The following MACROD2 variants were observed in gnomAD, a reference collection of about 807,000 sequenced individuals.
MACROD2 encodes mono-ADP ribosylhydrolase 2, also known as ADP-ribose glycohydrolase MACROD2.
MACROD2 carries 36 observed loss-of-function variants against 70.4 expected under a neutral mutation model. The ratio of observed to expected loss-of-function variants is 0.51; its 90% CI spans 0.39 to 0.68. The LOEUF is 0.68. Among genes scored for constraint, MACROD2 ranks in the 30% least tolerant of loss-of-function variants. MACROD2 has a pLI of 0.00. For missense variants in MACROD2, 496 were observed against 538.4 expected (o/e 0.92, Z 0.78); for synonymous variants, 172 against 178.8 (o/e 0.96, Z 0.30).
intron 5 of MACROD2, among the ~76,000 whole-genome samples, chr20:15,225,615 G>A (rs1334315171): frequency 6.6e-6 from 1 of 152,124 alleles, no homozygotes; most frequent in Non-Finnish European, 1.5e-5. Flanking sequence ...TAACACTAAT[G>A]TTAGTGTGCT....
intron 15 of MACROD2, among the ~76,000 whole-genome samples, chr20:15,999,120 A>G (rs1011985406): frequency 1.3e-5 from 2 of 152,054 alleles, no homozygotes; most frequent in South Asian, 2.1e-4. Context: ...TAATGTAGGC[A>G]TTCATAACTA....
chr20:14,120,602 G>A (rs1487832020), intron 3 of MACROD2, among the ~76,000 whole-genome samples: 5 of 151,344 alleles, frequency 3.3e-5, no homozygotes, highest in Admixed American at 2.6e-4. Context: ...ATTTACAATA[G>A]CAAAGACATG....
chr20:15,980,505 A>C (rs769471003), intron 13 of MACROD2, among the ~76,000 whole-genome samples: 1 of 152,174 alleles, frequency 6.6e-6, no homozygotes, highest in Non-Finnish European at 1.5e-5. Context: ...ATTTTTTATC[A>C]TTTAAAGAAG....
intron 5 of MACROD2, among the ~76,000 whole-genome samples, chr20:14,863,075 G>T (rs913881713): frequency 6.6e-6 from 1 of 151,890 alleles, no homozygotes; most frequent in African/African-American, 2.4e-5. Flanking sequence ...TTCTCCAAGG[G>T]TTGGCTTCAA....
chr20:15,625,245 A>G (rs1390418399), intron 8 of MACROD2, among the ~76,000 whole-genome samples: 1 of 152,126 alleles, frequency 6.6e-6, no homozygotes, highest in Non-Finnish European at 1.5e-5. Flanking sequence ...AGAGAAGACC[A>G]CAAGTGACTA....
intron 12 of MACROD2, among the ~76,000 whole-genome samples, chr20:15,945,666 A>G (rs989909804): frequency 6.6e-6 from 1 of 152,178 alleles, no homozygotes; most frequent in African/African-American, 2.4e-5. Context: ...TGACAGTTCA[A>G]TGGATGTAAA....
intron 5 of MACROD2, among the ~76,000 whole-genome samples, chr20:14,908,441 G>A (rs747832958): frequency 6.6e-6 from 1 of 152,144 alleles, no homozygotes; most frequent in Non-Finnish European, 1.5e-5. Flanking sequence ...GATCACCTGA[G>A]GCCAGGAGTT....
intron 3 of MACROD2, among the ~76,000 whole-genome samples, chr20:14,338,243 C>T (rs574191862): frequency 2.0e-5 from 3 of 152,146 alleles, no homozygotes; most frequent in South Asian, 2.1e-4. Context: ...GCTGGGCGCC[C>T]GTAATCCCAG....
At chr20:15,805,290 C>A (rs184131426) in intron 8 of MACROD2, among the ~76,000 whole-genome samples, 1 of 151,898 alleles carries the variant, frequency 6.6e-6, no homozygotes, top group Non-Finnish European at 1.5e-5. Flanking sequence ...AAGAGAAGGG[C>A]GTGTTGTTAA....
chr20:15,001,412 T>G (rs985035217), intron 5 of MACROD2, among the ~76,000 whole-genome samples: 1 of 152,218 alleles, frequency 6.6e-6, no homozygotes, highest in Non-Finnish European at 1.5e-5. Flanking sequence ...TTGTTTACCT[T>G]TGGCTAAGAG....
chr20:15,964,723 T>C (rs890821333), intron 12 of MACROD2, among the ~76,000 whole-genome samples: 2 of 152,200 alleles, frequency 1.3e-5, no homozygotes, highest in Non-Finnish European at 2.9e-5. Flanking sequence ...AGATCCATGA[T>C]TGAAAACATA....
chr20:15,802,670 G>C lies in MACROD2; in HGVS notation c.646-60075G>C, dbSNP rs190517725. Reference sequence around the variant, plus strand: ...ACAGAAAAAGAAATAGTAAAGGTCCGAGCACAACTAACTGAAATCATGACT... The same window carrying C: ...ACAGAAAAAGAAATAGTAAAGGTCCCAGCACAACTAACTGAAATCATGACT... On this transcript the variant is annotated intron_variant, in intron 8 of 17. Transcript: ENST00000684519. 2.2e-3 allele frequency among the ~76,000 whole-genome samples: 342 copies of C among 152,116 alleles called. 7 individuals carry two copies. The highest frequency in any genetic ancestry group is 7.6e-3 in the African/African-American group (316 of 41,460).
At chr20:15,909,013 C>T (rs889047993) in intron 10 of MACROD2, among the ~76,000 whole-genome samples, 7 of 152,222 alleles carry the variant, frequency 4.6e-5, no homozygotes, top group African/African-American at 1.7e-4. Context: ...CATCTGCAAG[C>T]TTGGCAGGGC....
intron 2 of MACROD2, 53 bp from the exon 3 acceptor site, chr20:14,085,568 G>T: frequency 1.9e-6 from 2 of 1,061,022 alleles, no homozygotes; most frequent in African/African-American, 1.6e-5. Flanking sequence ...AAATTATCTC[G>T]ATTAAGTTAA....
At chr20:14,178,054 C>A (rs1383636101) in intron 3 of MACROD2, among the ~76,000 whole-genome samples, 1 of 151,842 alleles carries the variant, frequency 6.6e-6, no homozygotes, top group Non-Finnish European at 1.5e-5. Context: ...TAAATGAAGT[C>A]AAAAGACAAC....
intron 5 of MACROD2, among the ~76,000 whole-genome samples, chr20:14,970,982 A>G (rs1018604669): frequency 6.6e-6 from 1 of 152,224 alleles, no homozygotes; most frequent in African/African-American, 2.4e-5. Context: ...TGAAAGGAAC[A>G]TGGGAACTGA....
chr20:15,909,661 C>A (rs1389788697), intron 10 of MACROD2, among the ~76,000 whole-genome samples: 1 of 150,908 alleles, frequency 6.6e-6, no homozygotes, highest in Non-Finnish European at 1.5e-5. Context: ...GTAGCTGGGA[C>A]TACAGGCGCC....
rs1394041929 is a variant in MACROD2 at position 16,035,146 on chromosome 20, T to TA, written c.1154-6054dup. On this transcript the variant is annotated intron_variant, in intron 15 of 17. Transcript: ENST00000684519. ...ATAAAATATTATATATTATATATTA[T>TA]ATATAAAATATAATATAAAATATAA... Among the ~76,000 whole-genome samples, 21 of 101,006 alleles carry TA rather than the reference T, an allele frequency of 2.1e-4. 1 individual carries two copies. Among genetic ancestry groups the TA allele is most frequent in the South Asian group, 6.1e-4 (2 of 3,268 alleles). The allele number at this position is 101,006 out of a possible 152,430, so 66.3% of individuals were successfully genotyped here.
intron 6 of MACROD2, among the ~76,000 whole-genome samples, chr20:15,344,518 C>T (rs1196840219): frequency 6.6e-6 from 1 of 152,110 alleles, no homozygotes; most frequent in African/African-American, 2.4e-5. Context: ...CAACCAGGAC[C>T]AATTTGATGT....
Sources: allele counts gnomAD v4.1 joint callset (sites outside exome capture counted in the v4.1 genomes callset), GRCh38; gene constraint gnomAD v4.1.1; transcripts MANE v1.5; gene names NCBI Gene and HGNC (gene_info 2026-07-23, HGNC 2026-07-21).